The following SPRY3 variants were observed in gnomAD, a reference collection of about 807,000 sequenced individuals.
SPRY3 encodes the protein protein sprouty homolog 3.
In SPRY3, 15 loss-of-function variants were observed where a neutral mutation model predicts 20.2. The observed-to-expected ratio is 0.74, with a 90% CI of 0.50 to 1.14. The LOEUF is 1.14. Ranked by LOEUF, SPRY3 falls within the 50% of genes most tolerant of loss-of-function variation. The pLI, the probability that SPRY3 is intolerant of heterozygous loss-of-function variation, is 0.00. For synonymous variants in SPRY3, 143 were observed against 136.5 expected, an observed-to-expected ratio of 1.05 and a Z score of -0.33; for missense variants, 364 against 363.9, an observed-to-expected ratio of 1.00 and a Z score of 0.00.
intron 2 of SPRY3, among the ~76,000 whole-genome samples, chrX:155,753,080 TA>T (rs1167290585): frequency 2.6e-5 from 4 of 151,902 alleles, no homozygotes; most frequent in African/African-American, 7.2e-5. Context: ...ATGTATTCTT[TA>T]AAAAACAGCT....
chrX:155,699,681 G>A (rs1440181664), intron 2 of SPRY3, among the ~76,000 whole-genome samples: 1 of 111,266 alleles, frequency 9.0e-6, no homozygotes, highest in Non-Finnish European at 1.9e-5. Context: ...TGCCTCTGGG[G>A]AAAGGGAACA....
At chrX:155,670,645 A>T (rs1442864534) in intron 2 of SPRY3, among the ~76,000 whole-genome samples, 6 of 112,260 alleles carry the variant, frequency 5.3e-5, no homozygotes, top group Non-Finnish European at 1.1e-4. Flanking sequence ...TGTTTTAAAA[A>T]TTATTTTATA....
At chrX:155,613,280 A>G (rs973504126) in intron 1 of SPRY3, among the ~76,000 whole-genome samples, 8 of 111,466 alleles carry the variant, frequency 7.2e-5, no homozygotes, top group Admixed American at 6.6e-4. Flanking sequence ...TATGGAAGTC[A>G]TATACCGCTC....
chrX:155,675,385 T>TG (rs1316515108), intron 2 of SPRY3, among the ~76,000 whole-genome samples: 1 of 111,133 alleles, frequency 9.0e-6, no homozygotes, highest in African/African-American at 3.3e-5. Flanking sequence ...GAGGAATGTT[T>TG]GGGGGGTCAT....
intron 2 of SPRY3, among the ~76,000 whole-genome samples, chrX:155,680,192 T>TGTGTGTGTGTGTGTGTGTG (rs1252959473): frequency 2.5e-5 from 1 of 40,407 alleles, no homozygotes; most frequent in Non-Finnish European, 4.9e-5. Context: ...GTGTGTGTGT[T>TGTGTGTGTGTGTGTGTGTG]TGAGGGAGAG....
intron 2 of SPRY3, among the ~76,000 whole-genome samples, chrX:155,662,682 CAAA>C (rs34216827): frequency 1.7e-5 from 1 of 58,225 alleles, no homozygotes; most frequent in Admixed American, 2.4e-4. Context: ...TGTAGTTTGG[CAAA>C]AAAAAAAAAA....
At chrX:155,781,670 T>C (rs700455), downstream of SPRY3, 43,422 of 166,738 alleles carry the variant, frequency 0.26, 6,252 homozygotes, top group South Asian at 0.38. Context: ...GCCTAGAGAG[T>C]GTATGAGAAT....
At chrX:155,714,213 T>G (rs2091005981) in intron 2 of SPRY3, among the ~76,000 whole-genome samples, 6 of 152,320 alleles carry the variant, frequency 3.9e-5, no homozygotes, top group Admixed American at 3.9e-4. Context: ...CTTATTTACT[T>G]CATTTGATGA....
chrX:155,697,201 G>A (rs2068121630), intron 2 of SPRY3, among the ~76,000 whole-genome samples: 1 of 110,947 alleles, frequency 9.0e-6, no homozygotes, highest in Non-Finnish European at 1.9e-5. Flanking sequence ...TAAAAATATT[G>A]CCCTTCCCAG....
intron 2 of SPRY3, among the ~76,000 whole-genome samples, chrX:155,723,138 T>A (rs2091072654): frequency 6.6e-6 from 1 of 152,190 alleles, no homozygotes; most frequent in Non-Finnish European, 1.5e-5. Flanking sequence ...CTGCATAGTA[T>A]TCCATGGTGT....
intron 3 of SPRY3, among the ~76,000 whole-genome samples, chrX:155,772,780 C>T (rs894784767): frequency 6.6e-6 from 1 of 152,066 alleles, no homozygotes; most frequent in African/African-American, 2.4e-5. Context: ...AGACATTCAA[C>T]TTAGCTTAAA....
At chrX:155,616,100 GTC>G (rs781921618) in intron 1 of SPRY3, among the ~76,000 whole-genome samples, 779 of 42,830 alleles carry the variant, frequency 0.018, 29 homozygotes, top group Non-Finnish European at 0.036. Context: ...TTTATCTGGG[GTC>G]TCTCTCTCTC....
chrX:155,768,913 G>C (rs1366958544), intron 3 of SPRY3, among the ~76,000 whole-genome samples: 1 of 152,190 alleles, frequency 6.6e-6, no homozygotes, highest in Non-Finnish European at 1.5e-5. Flanking sequence ...AACAGACCTT[G>C]AACTCTTAAG....
chrX:155,672,042 T>C (rs1293317252), intron 2 of SPRY3, among the ~76,000 whole-genome samples: 2 of 111,689 alleles, frequency 1.8e-5, no homozygotes, highest in African/African-American at 6.5e-5. Flanking sequence ...CTGTTTTGGT[T>C]ACTGTAGCCT....
At chrX:155,726,565 A>G (rs1457718884) in intron 2 of SPRY3, among the ~76,000 whole-genome samples, 1 of 152,084 alleles carries the variant, frequency 6.6e-6, no homozygotes, top group Non-Finnish European at 1.5e-5. Context: ...TCCCTTTACC[A>G]TTATGTAATG....
At position 155,710,503 on chromosome X, in the gene SPRY3, T is replaced by C. The variant is rs143191307; in HGVS notation, c.-282+53478T>C. Among the ~76,000 whole-genome samples the C allele has an allele frequency of 5.4e-3, 818 of 151,898 alleles. 6 individuals carry two copies. The highest frequency in any genetic ancestry group is 0.019 in the African/African-American group (776 of 41,512). On this transcript the variant is annotated intron_variant, in intron 2 of 3. Coordinates refer to ENST00000675360, the Ensembl canonical transcript of SPRY3. Reference sequence around the variant, plus strand: ...TAGTAATGCCATTGAGTTTTGTATGTTGATTTTGTATCCTGCAATGTTACT... The same window carrying C: ...TAGTAATGCCATTGAGTTTTGTATGCTGATTTTGTATCCTGCAATGTTACT...
chrX:155,726,412 A>G (rs1221096512), intron 2 of SPRY3, among the ~76,000 whole-genome samples: 2 of 152,074 alleles, frequency 1.3e-5, no homozygotes, highest in Admixed American at 6.5e-5. Context: ...TAATATTGAC[A>G]GTGGGGTGTT....
At chrX:155,707,717 CAT>C (rs949339023) in intron 2 of SPRY3, among the ~76,000 whole-genome samples, 1 of 151,136 alleles carries the variant, frequency 6.6e-6, no homozygotes, top group African/African-American at 2.4e-5. Flanking sequence ...TCTATGTACT[CAT>C]ATCAATATAG....
chrX:155,727,532 C>CT (rs1420838617), intron 2 of SPRY3, among the ~76,000 whole-genome samples: 1 of 152,104 alleles, frequency 6.6e-6, no homozygotes, highest in African/African-American at 2.4e-5. Context: ...TGTCTTCTCA[C>CT]TTTATTTCAT....
Sources: allele counts gnomAD v4.1 joint callset (sites outside exome capture counted in the v4.1 genomes callset), GRCh38; gene constraint gnomAD v4.1.1; transcripts MANE v1.5; gene names NCBI Gene and HGNC (gene_info 2026-07-23, HGNC 2026-07-21).